ADRA1D: variants seen among roughly 807,000 people sequenced by gnomAD.
The protein encoded by ADRA1D is alpha-1D adrenergic receptor.
Under a neutral mutation model 18.6 loss-of-function variants are expected in ADRA1D, and 22 were observed. The observed-to-expected ratio is 1.19, with a 90% CI of 0.85 to 1.69. ADRA1D has a LOEUF of 1.69. Among genes scored for constraint, ADRA1D ranks in the 40% most tolerant of loss-of-function variants. The pLI is 0.00. For missense variants in ADRA1D, 840 were observed against 840.7 expected (o/e 1.00, Z 0.01); for synonymous variants, 376 against 388.2 (o/e 0.97, Z 0.37).
chr20:4,228,971 C>T (rs1980888770), intron 1 of ADRA1D, among the ~76,000 whole-genome samples: 3 of 152,200 alleles, frequency 2.0e-5, no homozygotes, highest in African/African-American at 7.2e-5. Context: ...ATGTTCCACC[C>T]CTCCCAGGCC....
In ADRA1D at chr20:4,248,683, A is replaced by C. The variant is rs915754586; in HGVS notation, c.275T>G (p.Val92Gly). Residue 92 changes from valine to glycine, a missense_variant, in exon 1 of 2, where the codon GTG becomes GGG. Transcript: ENST00000379453. ...NGTAAVGGLVVSAQGVGVGVF... is the reference protein window; with the variant it reads ...NGTAAVGGLVGSAQGVGVGVF... ...GCCCACGCCCACGCCCTGCGCGCTCACCACCAGTCCCCCGACGGCCGCCGT... is the reference window on the plus strand; with the variant it reads ...GCCCACGCCCACGCCCTGCGCGCTCCCCACCAGTCCCCCGACGGCCGCCGT... The C allele has an allele frequency of 6.3e-6, 10 of 1,588,474 alleles. No individual in the cohort carries two copies. In the African/African-American group the frequency reaches 1.1e-4, roughly 17 times the overall value.
chr20:4,231,036 CTTTT>C (rs377679177), intron 1 of ADRA1D, among the ~76,000 whole-genome samples: 1 of 105,946 alleles, frequency 9.4e-6, no homozygotes, highest in Middle Eastern at 4.4e-3. Flanking sequence ...CTCTTTCTTT[CTTTT>C]TCTTTCTTTC....
At chr20:4,243,930 T>G (rs1029355353) in intron 1 of ADRA1D, among the ~76,000 whole-genome samples, 1 of 152,116 alleles carries the variant, frequency 6.6e-6, no homozygotes, top group Non-Finnish European at 1.5e-5. Context: ...CTCTCTGGGA[T>G]TCTCTGGATT....
intron 1 of ADRA1D, among the ~76,000 whole-genome samples, chr20:4,225,821 A>T (rs575238469): frequency 8.3e-4 from 125 of 151,018 alleles, no homozygotes; most frequent in Non-Finnish European, 1.3e-3. Flanking sequence ...CAGAAACAGC[A>T]GCTGAGACCT....
rs747553063 is a variant in ADRA1D, at chr20:4,248,399, G to A, written c.559C>T (p.Leu187Phe). The change falls in exon 1 of 2, where the codon CTC (leucine) becomes TTC (phenylalanine). Residue 187 changes from leucine to phenylalanine, a missense_variant. Coordinates refer to ENST00000379453, the MANE Select transcript of ADRA1D (RefSeq NM_000678.4). ...VLCCTASILS[L>F]CTISVDRYVG... ...TACCGGTCCACGGAGATGGTGCAGA[G>A]GCTGAGGATGGAGGCCGTGCAGCAC... 1 of 1,610,288 alleles carries A rather than the reference G, an allele frequency of 6.2e-7. No homozygotes were observed. Among genetic ancestry groups the A allele is most frequent in the East Asian group, 2.2e-5 (1 of 44,712 alleles).
chr20:4,228,685 G>C (rs1285285204), intron 1 of ADRA1D, among the ~76,000 whole-genome samples: 1 of 152,180 alleles, frequency 6.6e-6, no homozygotes, highest in East Asian at 1.9e-4. Context: ...GTTTCACAGG[G>C]AAAGCAGAGG....
chr20:4,236,565 G>C (rs1007535769), intron 1 of ADRA1D, among the ~76,000 whole-genome samples: 1 of 152,158 alleles, frequency 6.6e-6, no homozygotes, highest in African/African-American at 2.4e-5. Context: ...AGAAAGGTGG[G>C]CCTAGGAGAG....
At chr20:4,247,797 C>T in intron 1 of ADRA1D, 50 bp downstream of exon 1, 1 of 1,446,452 alleles carries the variant, frequency 6.9e-7, no homozygotes, top group East Asian at 2.6e-5. Context: ...GAGGGCACCG[C>T]CATAGGCTCA....
chr20:4,229,245 A>G (rs767036132), intron 1 of ADRA1D, among the ~76,000 whole-genome samples: 6 of 152,152 alleles, frequency 3.9e-5, no homozygotes, highest in African/African-American at 7.2e-5. Flanking sequence ...AGACTCATAG[A>G]TCCAGCTGCC....
intron 1 of ADRA1D, 101 bp downstream of exon 1, chr20:4,247,746 C>T (rs886937390): frequency 1.5e-6 from 2 of 1,336,126 alleles, no homozygotes; most frequent in East Asian, 2.8e-5. Context: ...CTAAGTCAAC[C>T]TTCTAGGTTC....
intron 1 of ADRA1D, among the ~76,000 whole-genome samples, chr20:4,225,358 A>G (rs1300538071): frequency 6.7e-6 from 1 of 149,926 alleles, no homozygotes; most frequent in Non-Finnish European, 1.5e-5. Context: ...GTGAAGATTC[A>G]TATATTTTAG....
intron 1 of ADRA1D, among the ~76,000 whole-genome samples, chr20:4,244,887 T>C (rs1050968679): frequency 4.6e-5 from 7 of 152,240 alleles, no homozygotes; most frequent in African/African-American, 1.4e-4. Flanking sequence ...GCTCCACCAG[T>C]GTCCCTGGGC....
chr20:4,236,292 G>C (rs375920057), intron 1 of ADRA1D, among the ~76,000 whole-genome samples: 2 of 152,186 alleles, frequency 1.3e-5, no homozygotes, highest in East Asian at 3.8e-4. Context: ...TCATAGGACT[G>C]TTAGGGGGAT....
chr20:4,233,624 G>A (rs1239890869), intron 1 of ADRA1D, among the ~76,000 whole-genome samples: 1 of 152,152 alleles, frequency 6.6e-6, no homozygotes, highest in Non-Finnish European at 1.5e-5. Flanking sequence ...GACATTCTTT[G>A]TCAGTGCAGT....
At position 4,248,405 on chromosome 20, in the gene ADRA1D, G is replaced by A. The variant is rs781622123; in HGVS notation, c.553C>T (p.Leu185Phe). Reference sequence around the variant, plus strand: ...TCCACGGAGATGGTGCAGAGGCTGAGGATGGAGGCCGTGCAGCACAGCACG... The same window carrying A: ...TCCACGGAGATGGTGCAGAGGCTGAAGATGGAGGCCGTGCAGCACAGCACG... ...VDVLCCTASI[L>F]SLCTISVDRY... Residue 185 changes from leucine to phenylalanine, a missense_variant, in exon 1 of 2, where the codon CTC becomes TTC. Leu to Phe is a conservative substitution (Grantham distance 22). Coordinates refer to ENST00000379453, the MANE Select transcript of ADRA1D (RefSeq NM_000678.4). 32 of 1,610,342 alleles carry A rather than the reference G, an allele frequency of 2.0e-5. No individual in the cohort carries two copies. In the Admixed American group the frequency reaches 5.4e-4, roughly 27 times the overall value.
rs751728677 is a variant in ADRA1D at position 4,221,826 on chromosome 20, G to A, written c.1416C>T (p.Pro472=). The A allele has an allele frequency of 1.3e-6, 2 of 1,499,998 alleles. No individual in the cohort carries two copies. The highest frequency in any genetic ancestry group is 1.8e-6 in the Non-Finnish European group (2 of 1,130,432). The allele number at this position is 1,499,998 out of a possible 1,614,324, so 92.9% of individuals were successfully genotyped here. Residue 472 remains proline (P), a synonymous_variant, in exon 2 of 2, where the codon CCC becomes CCT. Coordinates refer to ENST00000379453, the MANE Select transcript of ADRA1D (RefSeq NM_000678.4). ...GCATCTCGGGCGTGCCTGGGGGTTCGGGGTCGGGGTCGGGGAGCGCGGTGA... is the reference window on the plus strand; with the variant it reads ...GCATCTCGGGCGTGCCTGGGGGTTCAGGGTCGGGGTCGGGGAGCGCGGTGA... ...LALTALPDPD[P]EPPGTPEMQA...
chr20:4,221,789 C>A lies in ADRA1D; in HGVS notation c.1453G>T (p.Ala485Ser). ...PGTPEMQAPVASRRKPPSAFR... is the reference protein window; with the variant it reads ...PGTPEMQAPVSSRRKPPSAFR... The stretch of plus-strand genomic sequence containing the variant: ...GCGCTGGGTGGCTTTCGACGGCTGG[C>A]GACCGGAGCCTGCATCTCGGGCGTG... Residue 485 changes from alanine (A) to serine (S), a missense_variant, in exon 2 of 2, where the codon GCC becomes TCC. Physicochemically the swap from Ala to Ser is moderately conservative, Grantham distance 99. Transcript: ENST00000379453. The A allele has an allele frequency of 6.4e-7, 1 of 1,571,470 alleles. No homozygotes were observed. Among genetic ancestry groups the A allele is most frequent in the South Asian group, 1.1e-5 (1 of 88,078 alleles).
chr20:4,221,630 CTG>C lies in ADRA1D; in HGVS notation c.1610_1611del (p.Ser537Ter). On this transcript the variant is annotated frameshift_variant, in exon 2 of 2. Coordinates refer to ENST00000379453, the MANE Select transcript of ADRA1D (RefSeq NM_000678.4). LOFTEE classifies it high-confidence loss of function. ...QRAEAACAQR[S>X]EVEAVSLGVP... ...ACGCCTAGGGACACAGCCTCCACCTCTGAGCGCTGGGCGCACGCTGCCTCTGC... is the reference window on the plus strand; with the variant it reads ...ACGCCTAGGGACACAGCCTCCACCTCAGCGCTGGGCGCACGCTGCCTCTGC... 1.2e-6 allele frequency: 2 copies of C among 1,613,192 alleles called. No homozygotes were observed. The highest frequency in any genetic ancestry group is 1.7e-6 in the Non-Finnish European group (2 of 1,179,656).
intron 1 of ADRA1D, among the ~76,000 whole-genome samples, chr20:4,225,978 G>A (rs540863509): frequency 5.9e-5 from 9 of 152,188 alleles, no homozygotes; most frequent in Non-Finnish European, 1.3e-4. Context: ...GAACAGCATC[G>A]CTCAATGGCC....
Sources: allele counts gnomAD v4.1 joint callset (sites outside exome capture counted in the v4.1 genomes callset), GRCh38; gene constraint gnomAD v4.1.1; transcripts MANE v1.5; gene names NCBI Gene and HGNC (gene_info 2026-07-23, HGNC 2026-07-21).